The following SYNE2 variants were observed in gnomAD, a reference collection of about 807,000 sequenced individuals.
The protein encoded by SYNE2 is nesprin-2.
SYNE2 carries 431 observed loss-of-function variants against 856.3 expected under a neutral mutation model. That is an observed-to-expected ratio of 0.50 (90% CI 0.47 to 0.55). The LOEUF is 0.55. Ranked by LOEUF, SYNE2 falls within the 20% of genes least tolerant of loss-of-function variation. SYNE2 has a pLI of 0.00. For synonymous variants in SYNE2, 2,923 were observed against 2,872.3 expected, an observed-to-expected ratio of 1.02 and a Z score of -0.56; for missense variants, 8,129 against 8,023.2, an observed-to-expected ratio of 1.01 and a Z score of -0.50.
At position 64,209,464 on chromosome 14, in the gene SYNE2, A is replaced by G. The variant is rs764857183; in HGVS notation, c.18426A>G (p.Leu6142=). 2 of 1,614,240 alleles carry G rather than the reference A, an allele frequency of 1.2e-6. No individual in the cohort carries two copies. Among genetic ancestry groups the G allele is most frequent in the East Asian group, 2.2e-5 (1 of 44,884 alleles). Residue 6142 remains leucine (L), a synonymous_variant, in exon 102 of 116, where the codon TTA becomes TTG. Coordinates refer to ENST00000555002, the MANE Select transcript of SYNE2 (RefSeq NM_182914.3). ...CGTGGCGCCTGTGGCAGAAGTTTTT[A>G]GACGACTATTCTCGCTTTGAGGACT... ...EETWRLWQKF[L]DDYSRFEDWL...
chr14:64,113,294 A>G (rs1349594591), intron 65 of SYNE2, 47 bp from the exon 66 acceptor site: 1 of 1,611,970 alleles, frequency 6.2e-7, no homozygotes, highest in Admixed American at 1.7e-5. Context: ...TGCAGGCCCA[A>G]GTCTGAAAAC....
intron 103 of SYNE2, among the ~76,000 whole-genome samples, chr14:64,211,149 TTTTAA>T (rs1194793631): frequency 6.6e-6 from 1 of 152,058 alleles, no homozygotes; most frequent in Non-Finnish European, 1.5e-5. Flanking sequence ...GCCTGGCTGA[TTTTAA>T]TTTTTGTGGA....
At chr14:64,211,869 A>C (rs2098643098) in intron 103 of SYNE2, 92 bp from the exon 104 acceptor site, 2 of 1,577,860 alleles carry the variant, frequency 1.3e-6, no homozygotes, top group East Asian at 4.5e-5. Context: ...TATTCTGGGT[A>C]CCCTTTTCTT....
Position 64,009,112 on chromosome 14 carries a change from A to G in SYNE2, c.4578-854A>G, listed in dbSNP as rs59252260. Among the ~76,000 whole-genome samples the G allele has an allele frequency of 5.7e-3, 870 of 152,292 alleles. 15 individuals are homozygous for G. The highest frequency in any genetic ancestry group is 0.02 in the African/African-American group (843 of 41,556). On this transcript the variant is annotated intron_variant, in intron 31 of 115. Coordinates refer to ENST00000555002, the MANE Select transcript of SYNE2 (RefSeq NM_182914.3). ...GAAAGAATTGAGATTCAAAGAGGCTAAAGTAACTTATCCAGAGTCTCAGAC... is the reference window on the plus strand; with the variant it reads ...GAAAGAATTGAGATTCAAAGAGGCTGAAGTAACTTATCCAGAGTCTCAGAC...
At chr14:63,979,113 T>C in intron 14 of SYNE2, 99 bp downstream of exon 14, 1 of 1,227,154 alleles carries the variant, frequency 8.1e-7, no homozygotes, top group Non-Finnish European at 1.2e-6. Context: ...CTTCGGGTTT[T>C]GAGATGGGTT....
Position 64,049,720 on chromosome 14 carries a change from A to G in SYNE2, c.7487A>G (p.Tyr2496Cys), listed in dbSNP as rs536644359. The change falls in exon 47 of 116, where the codon TAT becomes TGT. Residue 2496 changes from tyrosine to cysteine, a missense_variant. Physicochemically the swap from Tyr to Cys is radical, Grantham distance 194. Transcript: ENST00000555002. ...TGALVLHNIG[Y>C]SAQHLDNLLQ... Reference sequence around the variant, plus strand: ...GCCTTGGTTCTCCACAATATAGGATATTCGGCACAGCATTTGGACAATTTG... The same window carrying G: ...GCCTTGGTTCTCCACAATATAGGATGTTCGGCACAGCATTTGGACAATTTG... 1.0e-4 allele frequency: 168 copies of G among 1,614,146 alleles called. 1 individual carries two copies. The South Asian group carries it at 1.8e-3, about 17-fold the overall frequency.
At chr14:64,153,637 G>T (rs920021623) in intron 85 of SYNE2, among the ~76,000 whole-genome samples, 45 of 152,212 alleles carry the variant, frequency 3.0e-4, no homozygotes, top group African/African-American at 1.1e-3. Context: ...CATACATTGT[G>T]TGAGGTACTG....
chr14:64,014,855 T>C lies in SYNE2; in HGVS notation c.4729-1618T>C, dbSNP rs145451292. 1.8e-3 allele frequency among the ~76,000 whole-genome samples: 270 copies of C among 149,372 alleles called. 3 individuals are homozygous for C. Among genetic ancestry groups the C allele is most frequent in the African/African-American group, 6.2e-3 (255 of 40,900 alleles). On this transcript the variant is annotated intron_variant, in intron 32 of 115. Transcript: ENST00000555002. ...TAGCTTGTTAAAATGGTGGGTTACA[T>C]TGATTGATTTTTGGATGTTAAACTA...
rs1220988351 is a variant in SYNE2, at chr14:64,132,373, A to T, written c.14449A>T (p.Thr4817Ser). 2 of 1,614,220 alleles carry T rather than the reference A, an allele frequency of 1.2e-6. No individual in the cohort carries two copies. Among genetic ancestry groups the T allele is most frequent in the Middle Eastern group, 1.6e-4 (1 of 6,062 alleles). The change falls in exon 77 of 116, where the codon ACA (threonine) becomes TCA (serine). Residue 4817 changes from threonine to serine, a missense_variant. Transcript: ENST00000555002. Reference protein sequence around the residue: ...NRETFWAEQVTEVKILEEKSR... With the variant: ...NRETFWAEQVSEVKILEEKSR... ...AGAGACATTTTGGGCAGAACAAGTA[A>T]CAGAAGTTAAAATACTAGAAGAAAA...
chr14:64,189,997 C>A, intron 98 of SYNE2, 74 bp from the exon 99 acceptor site: 45 of 1,393,646 alleles, frequency 3.2e-5, no homozygotes, highest in Non-Finnish European at 3.9e-5. Flanking sequence ...CAAGAGGTAA[C>A]TCTATGTCTG....
At chr14:64,198,774 G>T (rs1054853772) in intron 99 of SYNE2, among the ~76,000 whole-genome samples, 16 of 152,168 alleles carry the variant, frequency 1.1e-4, no homozygotes, top group Non-Finnish European at 2.1e-4. Context: ...TGGCAGAAGG[G>T]CTCTGATATG....
chr14:63,954,692 T>C (rs755219747), intron 7 of SYNE2, 27 bp from the exon 8 acceptor site: 8 of 1,605,420 alleles, frequency 5.0e-6, no homozygotes, highest in Non-Finnish European at 6.8e-6. Flanking sequence ...TAATGGTATT[T>C]GTCATGTTTT....
In SYNE2 at chr14:64,053,290, A is replaced by G. The variant is rs903100964; in HGVS notation, c.9377A>G (p.Asn3126Ser). 1 of 1,608,422 alleles carries G rather than the reference A, an allele frequency of 6.2e-7. No homozygotes were observed. Among genetic ancestry groups the G allele is most frequent in the Non-Finnish European group, 8.5e-7 (1 of 1,178,466 alleles). Residue 3126 changes from asparagine to serine, a missense_variant, in exon 48 of 116, where the codon AAT becomes AGT. By Grantham distance (46) the Asn-to-Ser change is conservative. Around this residue, in one of 3 missense-constraint regions of SYNE2, gnomAD observed 5,410 missense variants for 5,284.8 expected, o/e 1.02. Coordinates refer to ENST00000555002, the MANE Select transcript of SYNE2 (RefSeq NM_182914.3). ...KEKEILQIKL[N>S]AEENDKLYKV... is the part of the protein sequence containing the mutation. ...AAAGAAATACTACAAATAAAGCTGA[A>G]TGCAGAAGAAAATGATAAGTTATAC...
chr14:63,815,443 G>C (rs909926885), intron 1 of SYNE2, among the ~76,000 whole-genome samples: 10 of 151,700 alleles, frequency 6.6e-5, no homozygotes, highest in Non-Finnish European at 2.9e-5. Context: ...CCAGTCTAGT[G>C]TTTTCATGTT....
intron 101 of SYNE2, 95 bp downstream of exon 101, chr14:64,209,040 A>C: frequency 6.9e-7 from 1 of 1,444,324 alleles, no homozygotes. Context: ...TGTTCATTTC[A>C]CTTAGAAATG....
intron 45 of SYNE2, among the ~76,000 whole-genome samples, chr14:64,043,768 G>C (rs745629432): frequency 6.6e-6 from 1 of 152,276 alleles, no homozygotes; most frequent in Non-Finnish European, 1.5e-5. Flanking sequence ...TGCCAAGACA[G>C]AAGTTTGCTA....
At chr14:63,839,783 G>T (rs1889986191) in intron 1 of SYNE2, among the ~76,000 whole-genome samples, 2 of 152,182 alleles carry the variant, frequency 1.3e-5, no homozygotes, top group African/African-American at 2.4e-5. Context: ...GTGCGGAAAA[G>T]ATCTTCTTTC....
intron 79 of SYNE2, among the ~76,000 whole-genome samples, chr14:64,139,555 G>T (rs919494599): frequency 1.3e-5 from 2 of 152,066 alleles, no homozygotes; most frequent in Admixed American, 6.6e-5. Context: ...GGGACTACAG[G>T]CGCCTGCCAC....
intron 1 of SYNE2, among the ~76,000 whole-genome samples, chr14:63,835,983 C>CAA (rs369182135): frequency 0.48 from 60,639 of 127,488 alleles, 14,518 homozygotes; most frequent in South Asian, 0.58. Flanking sequence ...AACTCTGTCT[C>CAA]AAAAAAAAAA....
Sources: allele counts gnomAD v4.1 joint callset (sites outside exome capture counted in the v4.1 genomes callset), GRCh38; gene constraint gnomAD v4.1.1; regional missense constraint gnomAD v4.1.1; transcripts MANE v1.5; gene names NCBI Gene and HGNC (gene_info 2026-07-23, HGNC 2026-07-21).